DDHD1: variants seen among roughly 807,000 people sequenced by gnomAD.
The protein encoded by DDHD1 is phospholipase DDHD1.
DDHD1 carries 49 observed loss-of-function variants against 96.4 expected under a neutral mutation model. That is an observed-to-expected ratio of 0.51 (90% CI 0.40 to 0.64). DDHD1 has a LOEUF of 0.64. DDHD1 is among the 30% of genes least tolerant of loss of function. The pLI is 0.00. For synonymous variants in DDHD1, 442 were observed against 446.5 expected, an observed-to-expected ratio of 0.99 and a Z score of 0.13; for missense variants, 1,106 against 1,161.2, an observed-to-expected ratio of 0.95 and a Z score of 0.69.
At chr14:53,100,453 G>C (rs1887217353) in intron 2 of DDHD1, among the ~76,000 whole-genome samples, 1 of 152,158 alleles carries the variant, frequency 6.6e-6, no homozygotes, top group Non-Finnish European at 1.5e-5. Flanking sequence ...GGGTGACAGA[G>C]AAAGACCCTG....
intron 2 of DDHD1, chr14:53,093,915 C>T (rs1886652864): frequency 6.3e-6 from 1 of 158,612 alleles, no homozygotes; most frequent in African/African-American, 2.4e-5. Context: ...GTGGCTCACA[C>T]CTGTAATCCC....
chr14:53,105,221 A>G (rs1161070592), intron 1 of DDHD1, among the ~76,000 whole-genome samples: 1 of 152,152 alleles, frequency 6.6e-6, no homozygotes, highest in Non-Finnish European at 1.5e-5. Context: ...CAAACCCAGT[A>G]TAAGTGAACA....
intron 1 of DDHD1, among the ~76,000 whole-genome samples, chr14:53,104,477 T>C (rs1039576046): frequency 2.0e-5 from 3 of 152,326 alleles, no homozygotes; most frequent in African/African-American, 4.8e-5. Flanking sequence ...AAAATATTAA[T>C]ATAAAATCCA....
intron 4 of DDHD1, among the ~76,000 whole-genome samples, chr14:53,090,751 T>C (rs1335593906): frequency 6.6e-6 from 1 of 152,072 alleles, no homozygotes; most frequent in Non-Finnish European, 1.5e-5. Flanking sequence ...AGGCATAGCA[T>C]TAGGAGAAAT....
intron 1 of DDHD1, among the ~76,000 whole-genome samples, chr14:53,114,962 G>T (rs951423686): frequency 6.6e-6 from 1 of 152,174 alleles, no homozygotes; most frequent in Non-Finnish European, 1.5e-5. Flanking sequence ...CCAATGCATG[G>T]AGGCTAAGAA....
intron 1 of DDHD1, among the ~76,000 whole-genome samples, chr14:53,118,592 CAAGAA>C (rs951271355): frequency 6.6e-5 from 10 of 151,952 alleles, no homozygotes; most frequent in African/African-American, 2.4e-4. Context: ...TGAAATAAAA[CAAGAA>C]GAGAAGTTTA....
At chr14:53,147,434 A>G (rs1891075262) in intron 1 of DDHD1, among the ~76,000 whole-genome samples, 1 of 152,206 alleles carries the variant, frequency 6.6e-6, no homozygotes, top group African/African-American at 2.4e-5. Flanking sequence ...CTTGCAAAAC[A>G]TGCATTATAA....
intron 4 of DDHD1, among the ~76,000 whole-genome samples, chr14:53,084,988 C>T (rs555106067): frequency 5.6e-4 from 86 of 152,370 alleles, no homozygotes; most frequent in African/African-American, 1.9e-3. Context: ...CCTGGCTCAG[C>T]GGGTCCCACA....
intron 5 of DDHD1, among the ~76,000 whole-genome samples, chr14:53,073,515 C>G (rs927730764): frequency 9.2e-5 from 14 of 152,008 alleles, no homozygotes; most frequent in Non-Finnish European, 1.8e-4. Context: ...ACAGTGCTAT[C>G]TATGAAATCT....
chr14:53,046,848 C>G lies in DDHD1; in HGVS notation c.2623G>C (p.Asp875His). ...TSHTAYWSSL[D>H]VALFLLTFMY... Reference sequence around the variant, plus strand: ...AAGGTTAAAAGAAAAAGGGCAACATCCAAGGATGACCAATAGGCAGTATGC... The same window carrying G: ...AAGGTTAAAAGAAAAAGGGCAACATGCAAGGATGACCAATAGGCAGTATGC... Residue 875 changes from aspartate to histidine, a missense_variant, in exon 13 of 13, where the codon GAT becomes CAT. Coordinates refer to ENST00000673822, the MANE Select transcript of DDHD1 (RefSeq NM_001160148.2). The G allele has an allele frequency of 6.2e-7, 1 of 1,613,540 alleles. No individual in the cohort carries two copies. Among genetic ancestry groups the G allele is most frequent in the Non-Finnish European group, 8.5e-7 (1 of 1,179,704 alleles).
At position 53,103,782 on chromosome 14, in the gene DDHD1, T is replaced by A. The variant is rs1370301541; in HGVS notation, c.913A>T (p.Ser305Cys). ...GTWQPLEEEE[S>C]NLIEQEHLNC... Reference sequence around the variant, plus strand: ...AGATGTTCTTGCTCAATTAAATTACTTTCTTCCTCTTCTAGAGGCTGCCAA... The same window carrying A: ...AGATGTTCTTGCTCAATTAAATTACATTCTTCCTCTTCTAGAGGCTGCCAA... Residue 305 changes from serine (S) to cysteine (C), a missense_variant, in exon 2 of 13, where the codon AGT becomes TGT. Ser to Cys is a moderately radical substitution (Grantham distance 112, BLOSUM62 -1). This residue lies in a region of DDHD1 where 650 missense variants were observed against 758.8 expected (regional missense o/e 0.86). Coordinates refer to ENST00000673822, the MANE Select transcript of DDHD1 (RefSeq NM_001160148.2). 4 of 1,613,672 alleles carry A rather than the reference T, an allele frequency of 2.5e-6. No homozygotes were observed. The highest frequency in any genetic ancestry group is 1.7e-6 in the Non-Finnish European group (2 of 1,179,922).
intron 4 of DDHD1, among the ~76,000 whole-genome samples, chr14:53,074,619 A>T (rs890646451): frequency 2.0e-5 from 3 of 151,916 alleles, no homozygotes; most frequent in Non-Finnish European, 4.4e-5. Flanking sequence ...ATTTTATAAT[A>T]TTAAAAATTT....
At chr14:53,094,964 G>A (rs1886755954) in intron 2 of DDHD1, among the ~76,000 whole-genome samples, 1 of 152,122 alleles carries the variant, frequency 6.6e-6, no homozygotes, top group Non-Finnish European at 1.5e-5. Flanking sequence ...AGCCCCAGGA[G>A]CCAGGGAATG....
chr14:53,098,943 C>T (rs4901343), intron 2 of DDHD1, among the ~76,000 whole-genome samples: 120,830 of 151,862 alleles, frequency 0.8, 48,839 homozygotes, highest in East Asian at 0.98. Flanking sequence ...TGCCTTTTAA[C>T]TGGAGTATTA....
intron 1 of DDHD1, among the ~76,000 whole-genome samples, chr14:53,107,016 T>C (rs1431384994): frequency 6.6e-6 from 1 of 152,230 alleles, no homozygotes; most frequent in Non-Finnish European, 1.5e-5. Flanking sequence ...CAATGGCTCT[T>C]ATTAGATTTT....
In DDHD1 at chr14:53,056,429, C is replaced by T. The variant is rs546605245; in HGVS notation, c.1993-517G>A. Among the ~76,000 whole-genome samples the T allele has an allele frequency of 7.7e-4, 118 of 152,282 alleles. 2 individuals are homozygous for T. The highest frequency in any genetic ancestry group is 1.0e-4 in the Non-Finnish European group (7 of 68,026). Reference sequence around the variant, plus strand: ...ATCCCCCAAATTCATATTCTGGTTTCTATCACTTATTTTTTAATTTACATT... The same window carrying T: ...ATCCCCCAAATTCATATTCTGGTTTTTATCACTTATTTTTTAATTTACATT... On this transcript the variant is annotated intron_variant, in intron 9 of 12. Transcript: ENST00000673822.
intron 1 of DDHD1, among the ~76,000 whole-genome samples, chr14:53,123,513 T>C (rs1273178134): frequency 3.3e-5 from 5 of 152,084 alleles, no homozygotes; most frequent in Non-Finnish European, 5.9e-5. Flanking sequence ...ACAACCCAGA[T>C]GTCCAAAGAG....
At chr14:53,084,796 G>C (rs1246176495) in intron 4 of DDHD1, among the ~76,000 whole-genome samples, 1 of 152,182 alleles carries the variant, frequency 6.6e-6, no homozygotes, top group East Asian at 1.9e-4. Flanking sequence ...GCAGCCCATG[G>C]AGGGCAAGCC....
intron 4 of DDHD1, among the ~76,000 whole-genome samples, chr14:53,090,594 A>C (rs983175545): frequency 1.3e-5 from 2 of 152,170 alleles, no homozygotes; most frequent in African/African-American, 4.8e-5. Flanking sequence ...TGTCGCTGGA[A>C]ACCATCATTC....
Sources: allele counts gnomAD v4.1 joint callset (sites outside exome capture counted in the v4.1 genomes callset), GRCh38; gene constraint gnomAD v4.1.1; regional missense constraint gnomAD v4.1.1; transcripts MANE v1.5; gene names NCBI Gene and HGNC (gene_info 2026-07-23, HGNC 2026-07-21).